STX8: variants seen among roughly 807,000 people sequenced by gnomAD.
The protein encoded by STX8 is syntaxin-8.
In STX8, 23 loss-of-function variants were observed where a neutral mutation model predicts 37.5. The ratio of observed to expected loss-of-function variants is 0.61; its 90% CI spans 0.44 to 0.87. The LOEUF (loss-of-function observed/expected upper bound fraction) is 0.87. STX8 is among the 40% of genes least tolerant of loss of function. STX8 has a pLI of 0.00. For missense variants in STX8, 313 were observed against 284.7 expected, an observed-to-expected ratio of 1.10 and a Z score of -0.71; for synonymous variants, 115 against 99.1, an observed-to-expected ratio of 1.16 and a Z score of -0.95.
chr17:9,566,333 G>C (rs1278566287), intron 2 of STX8, among the ~76,000 whole-genome samples: 3 of 152,202 alleles, frequency 2.0e-5, no homozygotes, highest in Non-Finnish European at 4.4e-5. Flanking sequence ...CAGAGCAAAA[G>C]GAACACTTAT....
chr17:9,503,105 C>CAAAAA (rs61437085), intron 5 of STX8, among the ~76,000 whole-genome samples: 93 of 58,182 alleles, frequency 1.6e-3, no homozygotes, highest in African/African-American at 2.3e-3. Flanking sequence ...GACTCTGTCT[C>CAAAAA]AAAAAAAAAA....
At chr17:9,376,566 G>C (rs1940807464) in intron 7 of STX8, among the ~76,000 whole-genome samples, 1 of 152,134 alleles carries the variant, frequency 6.6e-6, no homozygotes, top group Admixed American at 6.5e-5. Flanking sequence ...GACCCGCTCG[G>C]GTCCCCTTAC....
chr17:9,523,311 C>CA (rs34297134), intron 4 of STX8, among the ~76,000 whole-genome samples: 28,578 of 123,042 alleles, frequency 0.23, 3,634 homozygotes, highest in East Asian at 0.48. Context: ...GACTCCATCT[C>CA]AAAAAAAAAA....
In STX8 at chr17:9,331,760, C is replaced by T. The variant is rs117740361; in HGVS notation, c.643+46792G>A. ...TGCTAAACACGCCCTGTTTTTCCTC[C>T]GCCTGTTCTCTCTCTCCCTCCCCCC... On this transcript the variant is annotated intron_variant, in intron 7 of 7. Coordinates refer to ENST00000306357, the MANE Select transcript of STX8 (RefSeq NM_004853.3). Among the ~76,000 whole-genome samples, 719 of 152,100 alleles carry T rather than the reference C, an allele frequency of 4.7e-3. 2 individuals carry two copies. The highest frequency in any genetic ancestry group is 8.0e-3 in the Non-Finnish European group (544 of 67,984).
intron 6 of STX8, among the ~76,000 whole-genome samples, chr17:9,456,575 G>T (rs1445220965): frequency 1.3e-5 from 2 of 152,108 alleles, no homozygotes; most frequent in Non-Finnish European, 2.9e-5. Context: ...TTCTTCCTCT[G>T]CTTGAGCCAT....
chr17:9,332,266 C>T (rs952319607), intron 7 of STX8, among the ~76,000 whole-genome samples: 6 of 152,184 alleles, frequency 3.9e-5, no homozygotes, highest in Admixed American at 1.3e-4. Context: ...CAAATTGGAA[C>T]GAGGGTTGAG....
At chr17:9,308,572 A>T (rs1909082268) in intron 7 of STX8, among the ~76,000 whole-genome samples, 1 of 151,898 alleles carries the variant, frequency 6.6e-6, no homozygotes, top group South Asian at 2.1e-4. Context: ...AAAATACAAA[A>T]ATTAGCTGGG....
intron 3 of STX8, chr17:9,547,244 CTCAAAAAAA>C (rs1567605831): frequency 3.5e-5 from 1 of 28,334 alleles, no homozygotes; most frequent in Non-Finnish European, 6.1e-5. Context: ...GAGACTCTGT[CTCAAAAAAA>C]AAAAAAAAAA....
intron 3 of STX8, chr17:9,554,582 A>G (rs1400605997): frequency 1.3e-5 from 2 of 152,092 alleles, no homozygotes; most frequent in Admixed American, 1.3e-4. Context: ...TTCATAATAT[A>G]CAAGCTACCT....
At chr17:9,324,111 C>G (rs868560109) in intron 7 of STX8, among the ~76,000 whole-genome samples, 123 of 135,118 alleles carry the variant, frequency 9.1e-4, no homozygotes, top group African/African-American at 2.8e-3. Flanking sequence ...CTCTCTCTGT[C>G]TCTCTCTCTC....
chr17:9,528,321 C>T (rs1024443625), intron 4 of STX8, among the ~76,000 whole-genome samples: 6 of 151,918 alleles, frequency 3.9e-5, no homozygotes, highest in Non-Finnish European at 8.8e-5. Flanking sequence ...TTTTTTGACA[C>T]GGACTCTCGC....
chr17:9,536,158 T>C (rs1170516942), intron 4 of STX8, among the ~76,000 whole-genome samples: 1 of 152,228 alleles, frequency 6.6e-6, no homozygotes, highest in African/African-American at 2.4e-5. Context: ...TGTTCAATGC[T>C]TTGCAGATTT....
chr17:9,476,728 C>T (rs1906122288), intron 6 of STX8, among the ~76,000 whole-genome samples: 1 of 152,114 alleles, frequency 6.6e-6, no homozygotes, highest in Non-Finnish European at 1.5e-5. Context: ...GCTGGGATTA[C>T]AGGTGTGAGC....
At chr17:9,377,011 T>G (rs1597633423) in intron 7 of STX8, among the ~76,000 whole-genome samples, 1 of 152,056 alleles carries the variant, frequency 6.6e-6, no homozygotes, top group Non-Finnish European at 1.5e-5. Context: ...GGCAGGACAG[T>G]GGTGATAAAG....
In STX8 at chr17:9,456,973, G is replaced by T. The variant is rs577565709; in HGVS notation, c.541+34856C>A. ...ACACAGAACTCTGCTAAGTACGTAT[G>T]CATCTTGCTTAGGACAGCTGTGGCT... On this transcript the variant is annotated intron_variant, in intron 6 of 7. Coordinates refer to ENST00000306357, the MANE Select transcript of STX8 (RefSeq NM_004853.3). 3.9e-5 allele frequency among the ~76,000 whole-genome samples: 6 copies of T among 152,292 alleles called. No individual in the cohort carries two copies. The South Asian group carries it at 1.2e-3, about 32-fold the overall frequency.
chr17:9,356,962 T>G (rs1243606910), intron 7 of STX8, among the ~76,000 whole-genome samples: 3 of 27,820 alleles, frequency 1.1e-4, no homozygotes, highest in Admixed American at 3.2e-4. Flanking sequence ...TTTTAACAGT[T>G]TTTTTTTTTT....
chr17:9,264,321 TTGAGACAGGGTCTTACTC>T (rs1257594174), intron 7 of STX8, among the ~76,000 whole-genome samples: 1 of 152,240 alleles, frequency 6.6e-6, no homozygotes, highest in Non-Finnish European at 1.5e-5. Flanking sequence ...TTTACCTTTT[TTGAGACAGGGTCTTACTC>T]TGTCGCCCAG....
chr17:9,354,318 C>CTTT lies in STX8; in HGVS notation c.643+24231_643+24233dup, dbSNP rs35460018. Among the ~76,000 whole-genome samples, 157 of 119,752 alleles carry CTTT rather than the reference C, an allele frequency of 1.3e-3. 2 individuals carry two copies. The highest frequency in any genetic ancestry group is 3.0e-3 in the African/African-American group (93 of 31,096). 78.6% of individuals were successfully genotyped at this position (119,752 alleles called of 152,430 possible). ...TTTCCTGGAATTAATAATTGTCTCA[C>CTTT]TTTTTTTTTTTTTTTTTTTTTGAGA... On this transcript the variant is annotated intron_variant, in intron 7 of 7. Transcript: ENST00000306357.
At chr17:9,465,554 T>C (rs992448758) in intron 6 of STX8, among the ~76,000 whole-genome samples, 1 of 152,170 alleles carries the variant, frequency 6.6e-6, no homozygotes, top group African/African-American at 2.4e-5. Flanking sequence ...CGGAGAAATG[T>C]ATACCCTGAG....
Sources: gnomAD v4.1 joint callset for allele counts (sites outside exome capture counted in the v4.1 genomes callset) on GRCh38, gnomAD v4.1.1 for gene constraint, MANE v1.5 for transcripts, NCBI Gene and HGNC (gene_info 2026-07-23, HGNC 2026-07-21) for gene names.